Variants in CACNA1B observed in about 807,000 individuals in gnomAD.
CACNA1B encodes calcium voltage-gated channel subunit alpha1 B.
Under a neutral mutation model 247.2 loss-of-function variants are expected in CACNA1B, and 70 were observed. The observed-to-expected ratio is 0.28, with a 90% CI of 0.23 to 0.35. The LOEUF is 0.35. Among genes scored for constraint, CACNA1B ranks in the 10% least tolerant of loss-of-function variants. The probability of loss-of-function intolerance (pLI) is 1.00; values close to 1 mark genes in which losing one functional copy is unlikely to be tolerated. For missense variants in CACNA1B, 2,367 were observed against 3,197.4 expected (o/e 0.74, Z 6.26); for synonymous variants, 1,231 against 1,294.4 (o/e 0.95, Z 1.05).
At position 138,057,705 on chromosome 9, in the gene CACNA1B, T is replaced by C. The variant is rs200966573; in HGVS notation, c.3969-27T>C. On this transcript the variant is annotated intron_variant, in intron 26 of 46. Coordinates refer to ENST00000371372, the MANE Select transcript of CACNA1B (RefSeq NM_000718.4). The surrounding 1 kb of genome is among the most constrained non-coding windows in gnomAD (Gnocchi z 4.0). ...TTATTTGGATCTTTTGTCTTTGCCCTCTAACCTCCCATGTTCTCATTCCTA... is the reference window on the plus strand; with the variant it reads ...TTATTTGGATCTTTTGTCTTTGCCCCCTAACCTCCCATGTTCTCATTCCTA... 6.3e-7 allele frequency: 1 copy of C among 1,587,604 alleles called. No homozygotes were observed.
At chr9:138,029,131 A>T (rs1288730706) in intron 20 of CACNA1B, among the ~76,000 whole-genome samples, 3 of 152,196 alleles carry the variant, frequency 2.0e-5, no homozygotes, top group Non-Finnish European at 4.4e-5. Flanking sequence ...AGTCAACAAC[A>T]CTGTAATGAA....
chr9:138,017,881 G>A (rs1486447029), intron 18 of CACNA1B, among the ~76,000 whole-genome samples: 2 of 152,236 alleles, frequency 1.3e-5, no homozygotes, highest in African/African-American at 4.8e-5. Context: ...CTGCAGGTGA[G>A]GGGTCCCTGA....
At chr9:138,079,385 C>T (rs950437029) in intron 36 of CACNA1B, among the ~76,000 whole-genome samples, 8 of 152,008 alleles carry the variant, frequency 5.3e-5, no homozygotes, top group Non-Finnish European at 1.0e-4. Flanking sequence ...CAGGAGTGGG[C>T]GGAGAGAGGA....
At chr9:138,075,198 TA>T (rs1270695056) in intron 34 of CACNA1B, among the ~76,000 whole-genome samples, 3 of 152,248 alleles carry the variant, frequency 2.0e-5, no homozygotes, top group Admixed American at 6.5e-5. Context: ...TCTCTTGCTT[TA>T]AAATTTGCAG....
At position 138,059,664 on chromosome 9, in the gene CACNA1B, G is replaced by A; in HGVS notation, c.4595G>A (p.Arg1532Lys). 1 of 1,601,996 alleles carries A rather than the reference G, an allele frequency of 6.2e-7. No individual in the cohort carries two copies. The highest frequency in any genetic ancestry group is 1.1e-5 in the South Asian group (1 of 90,834). The change falls in exon 31 of 47, where the codon AGA (arginine) becomes AAA (lysine). Residue 1532 changes from arginine (R) to lysine (K), a missense_variant. Arg to Lys is a conservative substitution (Grantham distance 26, BLOSUM62 2). Transcript: ENST00000371372. This position sits in a 1 kb window ranked among gnomAD's most constrained non-coding sequence, Gnocchi z 4.2. ...CTTCTTTTTCTCTAGAACTATTTCA[G>A]AGATGCCTGGAATGTCTTTGACTTT... ...IIAFGVLNYF[R>K]DAWNVFDFVT...
chr9:137,972,845 G>A (rs542294751), intron 11 of CACNA1B, among the ~76,000 whole-genome samples: 3 of 152,356 alleles, frequency 2.0e-5, no homozygotes, highest in South Asian at 2.1e-4. Flanking sequence ...CTCCCTGGGC[G>A]GCTGCAGGTC....
chr9:138,085,022 A>G (rs1960650186), intron 36 of CACNA1B, among the ~76,000 whole-genome samples: 1 of 150,866 alleles, frequency 6.6e-6, no homozygotes, highest in Non-Finnish European at 1.5e-5. Flanking sequence ...AGTAGACCCT[A>G]GTAAAAACTA....
chr9:138,043,143 C>T (rs997507394), intron 20 of CACNA1B, among the ~76,000 whole-genome samples: 15 of 152,162 alleles, frequency 9.9e-5, no homozygotes. Flanking sequence ...TGTGGGAGCA[C>T]AGCTGGGGTG....
intron 15 of CACNA1B, among the ~76,000 whole-genome samples, chr9:138,003,878 T>TAGGTGG (rs1958613421): frequency 7.0e-6 from 1 of 143,632 alleles, no homozygotes; most frequent in African/African-American, 2.6e-5. Context: ...CACCTTGGCC[T>TAGGTGG]CCCAAAGCGC....
intron 6 of CACNA1B, among the ~76,000 whole-genome samples, chr9:137,934,864 C>A (rs1957647073): frequency 6.6e-6 from 1 of 152,118 alleles, no homozygotes; most frequent in Non-Finnish European, 1.5e-5. Context: ...CTGACAGAGC[C>A]TACCAAAATG....
chr9:138,000,267 T>G (rs530279736), intron 15 of CACNA1B, among the ~76,000 whole-genome samples: 203 of 151,986 alleles, frequency 1.3e-3, no homozygotes, highest in African/African-American at 4.6e-3. Flanking sequence ...CCCGGCTAAT[T>G]TTTTGTATTT....
chr9:137,994,487 A>T (rs893177313), intron 15 of CACNA1B, among the ~76,000 whole-genome samples: 1 of 152,264 alleles, frequency 6.6e-6, no homozygotes, highest in African/African-American at 2.4e-5. Context: ...AGAACTGATA[A>T]AAGAATTCAG....
At chr9:137,944,838 G>C (rs998239574) in intron 6 of CACNA1B, among the ~76,000 whole-genome samples, 1 of 152,182 alleles carries the variant, frequency 6.6e-6, no homozygotes, top group Non-Finnish European at 1.5e-5. Flanking sequence ...CTGGAACCCC[G>C]AATTTTGCTC....
rs1289942199 is a variant in CACNA1B, at chr9:137,954,850, A to G, written c.1071-848A>G. Among the ~76,000 whole-genome samples the G allele has an allele frequency of 1.1e-5, 1 of 88,960 alleles. No homozygotes were observed. Among genetic ancestry groups the G allele is most frequent in the Non-Finnish European group, 2.0e-5 (1 of 50,932 alleles). The allele number at this position is 88,960 out of a possible 152,430, so 58.4% of individuals were successfully genotyped here. A position where few individuals can be genotyped will look rare whatever the true frequency, so the allele number is the denominator to read the frequency against. ...CCTGCCACACCCACTCCACCAACTC[A>G]GAAGCTTGTGTGTGTGTGTGTGTGT... On this transcript the variant is annotated intron_variant, in intron 7 of 46. Coordinates refer to ENST00000371372, the MANE Select transcript of CACNA1B (RefSeq NM_000718.4). This position sits in a 1 kb window ranked among gnomAD's most constrained non-coding sequence, Gnocchi z 4.1.
rs1958740351 is a variant in CACNA1B at position 138,012,728 on chromosome 9, AC to A, written c.2161-400del. On this transcript the variant is annotated intron_variant, in intron 17 of 46. Transcript: ENST00000371372. The surrounding 1 kb of genome is among the most constrained non-coding windows in gnomAD (Gnocchi z 4.2). ...GACCCTGTCTCTAAAAAAAAAAAAA[AC>A]AAATAACAAAAAACAAAACAAACAA... Among the ~76,000 whole-genome samples, 1 of 151,698 alleles carries A rather than the reference AC, an allele frequency of 6.6e-6. No homozygotes were observed. The highest frequency in any genetic ancestry group is 1.5e-5 in the Non-Finnish European group (1 of 67,912).
chr9:138,067,905 CCAAA>C (rs1959976652), intron 31 of CACNA1B, among the ~76,000 whole-genome samples: 1 of 152,194 alleles, frequency 6.6e-6, no homozygotes, highest in South Asian at 2.1e-4. Context: ...GTTCTGCCGA[CCAAA>C]CAGAGGCATC....
At chr9:138,039,969 G>A (rs1215962024) in intron 20 of CACNA1B, among the ~76,000 whole-genome samples, 1 of 152,188 alleles carries the variant, frequency 6.6e-6, no homozygotes, top group Non-Finnish European at 1.5e-5. Context: ...GACAAATGCA[G>A]TTTTGTTACA....
intron 18 of CACNA1B, chr9:138,017,008 T>C (rs1958801268): frequency 2.3e-6 from 1 of 431,756 alleles, no homozygotes; most frequent in Non-Finnish European, 4.8e-6. Context: ...GACGGACGCG[T>C]CTGCGGCCTC....
At chr9:138,114,215 C>T (rs77668191) in intron 40 of CACNA1B, among the ~76,000 whole-genome samples, 163 bp from the exon 41 acceptor site, 2 of 152,120 alleles carry the variant, frequency 1.3e-5, no homozygotes, top group South Asian at 2.1e-4. Flanking sequence ...TCCTGGTGGC[C>T]GAGCCCCATG....
Sources: gnomAD v4.1 joint callset for allele counts (sites outside exome capture counted in the v4.1 genomes callset) on GRCh38, gnomAD v4.1.1 for gene constraint, Gnocchi (gnomAD v3.1) non-coding constraint, MANE v1.5 for transcripts, NCBI Gene and HGNC (gene_info 2026-07-23, HGNC 2026-07-21) for gene names.